Variants in ENTREP2 observed in about 807,000 individuals in gnomAD.
The protein encoded by ENTREP2 is endosomal transmembrane epsin interactor 2.
chr15:29,524,453 A>C, the ENTREP2 span, among the ~76,000 whole-genome samples: 1 of 152,186 alleles, frequency 6.6e-6, no homozygotes, highest in Non-Finnish European at 1.5e-5. Flanking sequence ...AGAGCTCCCA[A>C]GATGTGGCAG....
the ENTREP2 span, among the ~76,000 whole-genome samples, chr15:29,571,937 G>A: frequency 6.6e-6 from 1 of 152,148 alleles, no homozygotes; most frequent in East Asian, 1.9e-4. Flanking sequence ...AAAGGGAAAC[G>A]GCCGGTCATT....
the ENTREP2 span, among the ~76,000 whole-genome samples, chr15:29,450,277 G>A: frequency 6.6e-6 from 1 of 152,084 alleles, no homozygotes. Context: ...TTTGCTTTTG[G>A]TGGTGTTGTC....
the ENTREP2 span, among the ~76,000 whole-genome samples, chr15:29,414,452 G>A: frequency 1.3e-5 from 2 of 152,074 alleles, no homozygotes; most frequent in Non-Finnish European, 2.9e-5. Flanking sequence ...TGAAACCAAC[G>A]AGAACAAAGA....
At chr15:29,280,618 C>T in the ENTREP2 span, among the ~76,000 whole-genome samples, 2 of 152,148 alleles carry the variant, frequency 1.3e-5, no homozygotes, top group African/African-American at 4.8e-5. Flanking sequence ...AAAGACCAGC[C>T]AATGCCCCCC....
chr15:29,645,232 G>C, the ENTREP2 span, among the ~76,000 whole-genome samples: 1 of 152,156 alleles, frequency 6.6e-6, no homozygotes, highest in Non-Finnish European at 1.5e-5. Context: ...GGGATGATGA[G>C]ACGTGAGAAT....
chr15:29,624,335 A>G, the ENTREP2 span, among the ~76,000 whole-genome samples: 380 of 151,222 alleles, frequency 2.5e-3, no homozygotes, highest in South Asian at 0.02. Context: ...GCACGTGCGC[A>G]CACACACACA....
chr15:29,380,180 G>C, the ENTREP2 span, among the ~76,000 whole-genome samples: 2 of 152,092 alleles, frequency 1.3e-5, no homozygotes, highest in African/African-American at 4.8e-5. Context: ...TTACTTTTAC[G>C]TATGTTTGAA....
At chr15:29,159,488 C>G in the ENTREP2 span, among the ~76,000 whole-genome samples, 4 of 152,226 alleles carry the variant, frequency 2.6e-5, no homozygotes, top group Non-Finnish European at 4.4e-5. Context: ...TTATTCTTAT[C>G]TGGCCCCACC....
At chr15:29,256,983 T>C in the ENTREP2 span, among the ~76,000 whole-genome samples, 1 of 152,028 alleles carries the variant, frequency 6.6e-6, no homozygotes, top group Non-Finnish European at 1.5e-5. Flanking sequence ...CAAATAACCC[T>C]ATTCCCTTCT....
the ENTREP2 span, among the ~76,000 whole-genome samples, chr15:29,317,635 A>G: frequency 6.6e-6 from 1 of 152,166 alleles, no homozygotes; most frequent in African/African-American, 2.4e-5. Flanking sequence ...GCATAGAAAA[A>G]TTCAATATAA....
the ENTREP2 span, chr15:29,233,781 G>T: frequency 6.5e-7 from 1 of 1,546,330 alleles, no homozygotes; most frequent in Non-Finnish European, 8.9e-7. Context: ...TGTGTGTGGT[G>T]TCCAGATGCC....
At chr15:29,454,922 T>C in the ENTREP2 span, among the ~76,000 whole-genome samples, 1 of 152,218 alleles carries the variant, frequency 6.6e-6, no homozygotes. Flanking sequence ...ATTATACACG[T>C]AAAGCACTTA....
the ENTREP2 span, among the ~76,000 whole-genome samples, chr15:29,331,684 C>A: frequency 6.6e-6 from 1 of 152,226 alleles, no homozygotes; most frequent in Non-Finnish European, 1.5e-5. Flanking sequence ...ACCAAAAATG[C>A]AAGCTGAGCG....
chr15:29,474,902 C>T, the ENTREP2 span, among the ~76,000 whole-genome samples: 2 of 151,086 alleles, frequency 1.3e-5, no homozygotes, highest in African/African-American at 4.9e-5. Flanking sequence ...TCGTATCTTG[C>T]TCATTACATA....
chr15:29,618,994 A>G, the ENTREP2 span, among the ~76,000 whole-genome samples: 1 of 152,236 alleles, frequency 6.6e-6, no homozygotes, highest in African/African-American at 2.4e-5. Flanking sequence ...GGAGTGGAGG[A>G]GGACCACACT....
At chr15:29,576,355 C>G in the ENTREP2 span, among the ~76,000 whole-genome samples, 1 of 152,116 alleles carries the variant, frequency 6.6e-6, no homozygotes, top group Non-Finnish European at 1.5e-5. Context: ...AATAAAAGAG[C>G]AAAAACTATG....
chr15:29,220,592 C>G, the ENTREP2 span, among the ~76,000 whole-genome samples: 1 of 152,166 alleles, frequency 6.6e-6, no homozygotes, highest in African/African-American at 2.4e-5. Context: ...GCGTTTCTAC[C>G]TGCTCCACAG....
chr15:29,576,237 T>C, the ENTREP2 span, among the ~76,000 whole-genome samples: 1 of 152,216 alleles, frequency 6.6e-6, no homozygotes, highest in Admixed American at 6.5e-5. Context: ...GGAGAAAGAA[T>C]AGTCTCTTCA....
the ENTREP2 span, among the ~76,000 whole-genome samples, chr15:29,564,135 C>G: frequency 6.6e-6 from 1 of 152,100 alleles, no homozygotes; most frequent in African/African-American, 2.4e-5. Flanking sequence ...AAGGGATGGA[C>G]TAGGATACCT....
Sources: gnomAD v4.1 joint callset for allele counts (sites outside exome capture counted in the v4.1 genomes callset) on GRCh38, gnomAD v4.1.1 for gene constraint, MANE v1.5 for transcripts, NCBI Gene and HGNC (gene_info 2026-07-23, HGNC 2026-07-21) for gene names.